Variants in PCDH7 observed in about 807,000 individuals in gnomAD.
PCDH7 encodes protocadherin-7.
In PCDH7, 17 loss-of-function variants were observed where a neutral mutation model predicts 58.9. The observed-to-expected ratio is 0.29, with a 90% CI of 0.20 to 0.43. The LOEUF is 0.43. Among genes scored for constraint, PCDH7 ranks in the 20% least tolerant of loss-of-function variants. The pLI, the probability that PCDH7 is intolerant of heterozygous loss-of-function variation, is 1.00. For missense variants in PCDH7, 1,274 were observed against 1,441.0 expected (o/e 0.88, Z 1.88); for synonymous variants, 664 against 616.4 (o/e 1.08, Z -1.14).
intron 1 of PCDH7, among the ~76,000 whole-genome samples, chr4:30,782,523 C>A (rs1577782588): frequency 6.6e-6 from 1 of 152,264 alleles, no homozygotes; most frequent in African/African-American, 2.4e-5. Context: ...GAAAAGATTT[C>A]TTTTTCTTAA....
intron 1 of PCDH7, among the ~76,000 whole-genome samples, chr4:30,758,018 T>A (rs1161003192): frequency 6.6e-6 from 1 of 152,014 alleles, no homozygotes; most frequent in African/African-American, 2.4e-5. Flanking sequence ...ATGTGCATGA[T>A]TAATAAGACA....
chr4:30,847,423 G>T (rs1452898808), intron 1 of PCDH7, among the ~76,000 whole-genome samples: 1 of 152,130 alleles, frequency 6.6e-6, no homozygotes, highest in Non-Finnish European at 1.5e-5. Context: ...AAACGTCTTT[G>T]CAGGACTCAC....
intron 1 of PCDH7, among the ~76,000 whole-genome samples, chr4:30,906,892 G>A (rs767514117): frequency 9.9e-5 from 15 of 151,794 alleles, no homozygotes; most frequent in Admixed American, 3.9e-4. Flanking sequence ...GCGTGGTGGC[G>A]GGTGCCTGTA....
At chr4:31,078,340 T>C (rs1179661193) in intron 3 of PCDH7, among the ~76,000 whole-genome samples, 1 of 152,162 alleles carries the variant, frequency 6.6e-6, no homozygotes, top group Non-Finnish European at 1.5e-5. Flanking sequence ...TAGAGTGCAG[T>C]GGTTCAATAA....
rs1034470450 is a variant in PCDH7 at position 30,885,703 on chromosome 4, T to G, written c.71-34450T>G. On this transcript the variant is annotated intron_variant, in intron 1 of 3. Coordinates refer to the PCDH7 transcript ENST00000509759. ...AAAAGAACAAAGCTGGAGGCATCAC[T>G]CTACCTGACTTCAAACTATACTACA... 4.6e-5 allele frequency among the ~76,000 whole-genome samples: 7 copies of G among 151,962 alleles called. No homozygotes were observed. In the South Asian group the frequency reaches 8.3e-4, roughly 18 times the overall value.
At chr4:30,934,871 A>G (rs1745135465) in intron 2 of PCDH7, among the ~76,000 whole-genome samples, 1 of 152,152 alleles carries the variant, frequency 6.6e-6, no homozygotes, top group Non-Finnish European at 1.5e-5. Flanking sequence ...TTCAAGCTCC[A>G]TCACATTTCC....
intron 1 of PCDH7, among the ~76,000 whole-genome samples, chr4:30,819,733 A>C (rs1728133740): frequency 6.6e-6 from 1 of 152,126 alleles, no homozygotes; most frequent in Admixed American, 6.6e-5. Flanking sequence ...AGGTGTGGTG[A>C]ACAAATTTCT....
intron 1 of PCDH7, among the ~76,000 whole-genome samples, chr4:30,900,864 TA>T (rs899305285): frequency 5.3e-5 from 8 of 152,110 alleles, no homozygotes; most frequent in South Asian, 2.1e-4. Flanking sequence ...AATATGATGA[TA>T]AAAAATAGGG....
At chr4:30,853,109 C>T (rs559507458) in intron 1 of PCDH7, among the ~76,000 whole-genome samples, 2 of 152,132 alleles carry the variant, frequency 1.3e-5, no homozygotes, top group African/African-American at 4.8e-5. Context: ...CCAGTATTTG[C>T]CATTTCTGGC....
At chr4:30,839,160 G>A (rs774815917) in intron 1 of PCDH7, among the ~76,000 whole-genome samples, 5 of 151,680 alleles carry the variant, frequency 3.3e-5, no homozygotes, top group Non-Finnish European at 5.9e-5. Flanking sequence ...TAATTGCTAT[G>A]TATTATGTAG....
chr4:31,010,546 A>G (rs1431449710), intron 3 of PCDH7, among the ~76,000 whole-genome samples: 2 of 152,000 alleles, frequency 1.3e-5, no homozygotes, highest in Non-Finnish European at 2.9e-5. Flanking sequence ...AGTTGATGCC[A>G]TGAGTTAGAA....
intron 3 of PCDH7, among the ~76,000 whole-genome samples, chr4:31,081,922 GC>G (rs1478813760): frequency 1.3e-5 from 2 of 151,938 alleles, no homozygotes; most frequent in Non-Finnish European, 2.9e-5. Flanking sequence ...ACAGGCCCAC[GC>G]CACCAAGGCC....
At chr4:30,884,626 G>A (rs191200607) in intron 1 of PCDH7, 7 of 152,182 alleles carry the variant, frequency 4.6e-5, no homozygotes, top group South Asian at 2.1e-4. Flanking sequence ...TTAATGGCCC[G>A]AATATTACAC....
At chr4:30,968,587 T>C (rs1749261323) in intron 3 of PCDH7, among the ~76,000 whole-genome samples, 1 of 151,740 alleles carries the variant, frequency 6.6e-6, no homozygotes, top group Admixed American at 6.6e-5. Flanking sequence ...TTGTGCATAC[T>C]TTTTTGCACA....
At chr4:30,947,447 A>G (rs1746841503) in intron 2 of PCDH7, among the ~76,000 whole-genome samples, 1 of 152,064 alleles carries the variant, frequency 6.6e-6, no homozygotes, top group Non-Finnish European at 1.5e-5. Context: ...GTCCATACCA[A>G]ATGCCTCATG....
intron 1 of PCDH7, among the ~76,000 whole-genome samples, chr4:30,883,287 T>C (rs193269748): frequency 6.6e-5 from 10 of 152,346 alleles, no homozygotes; most frequent in African/African-American, 2.2e-4. Context: ...AGTGATGGTA[T>C]AACCATTACC....
chr4:31,080,483 A>G (rs1759409715), intron 3 of PCDH7, among the ~76,000 whole-genome samples: 1 of 152,184 alleles, frequency 6.6e-6, no homozygotes, highest in Non-Finnish European at 1.5e-5. Flanking sequence ...GTGAGTTGAC[A>G]AGGTATTATT....
At chr4:30,984,352 C>T (rs576744513) in intron 3 of PCDH7, among the ~76,000 whole-genome samples, 1 of 152,170 alleles carries the variant, frequency 6.6e-6, no homozygotes, top group East Asian at 1.9e-4. Flanking sequence ...AGTGTTTGTT[C>T]GACGCTTATT....
chr4:30,943,357 T>C (rs1746282978), intron 2 of PCDH7, among the ~76,000 whole-genome samples: 2 of 152,168 alleles, frequency 1.3e-5, no homozygotes, highest in African/African-American at 4.8e-5. Context: ...ATATTTCATC[T>C]CACTTAATTC....
Sources: allele counts gnomAD v4.1 joint callset (sites outside exome capture counted in the v4.1 genomes callset), GRCh38; gene constraint gnomAD v4.1.1; transcripts MANE v1.5; gene names NCBI Gene and HGNC (gene_info 2026-07-23, HGNC 2026-07-21).